The following KIF13B variants were observed in gnomAD, a reference collection of about 807,000 sequenced individuals.
KIF13B encodes the protein kinesin family member 13B.
In KIF13B, 127 loss-of-function variants were observed where a neutral mutation model predicts 222.0. The observed-to-expected ratio is 0.57, with a 90% CI of 0.50 to 0.66. The LOEUF is 0.66. KIF13B is among the 30% of genes least tolerant of loss of function. The pLI is 0.00. For synonymous variants in KIF13B, 976 were observed against 919.0 expected (o/e 1.06, Z -1.12); for missense variants, 2,173 against 2,379.0 (o/e 0.91, Z 1.80).
At chr8:29,166,928 A>T (rs1183815087) in intron 11 of KIF13B, among the ~76,000 whole-genome samples, 1 of 152,214 alleles carries the variant, frequency 6.6e-6, no homozygotes, top group Non-Finnish European at 1.5e-5. Flanking sequence ...AATCCACAAC[A>T]TGGAAAAGCT....
intron 1 of KIF13B, among the ~76,000 whole-genome samples, chr8:29,258,777 C>T (rs1816578500): frequency 6.6e-6 from 1 of 152,196 alleles, no homozygotes; most frequent in African/African-American, 2.4e-5. Flanking sequence ...TCTCGATTCC[C>T]TTATTTCCCT....
At position 29,135,854 on chromosome 8, in the gene KIF13B, C is replaced by T. The variant is rs1019337699; in HGVS notation, c.2614-1644G>A. On this transcript the variant is annotated intron_variant, in intron 21 of 39. Coordinates refer to ENST00000524189, the MANE Select transcript of KIF13B (RefSeq NM_015254.4). ...GAGGTTGCAGGAGCAGAGATCGCAC[C>T]ACTGCACTCTACTCTGGGTGACAGA... is the stretch of plus-strand genomic sequence containing the variant. 2.0e-5 allele frequency among the ~76,000 whole-genome samples: 3 copies of T among 152,210 alleles called. No homozygotes were observed. The East Asian group carries it at 5.8e-4, about 29-fold the overall frequency.
At chr8:29,095,762 C>A (rs1808493279) in intron 36 of KIF13B, among the ~76,000 whole-genome samples, 1 of 151,842 alleles carries the variant, frequency 6.6e-6, no homozygotes, top group African/African-American at 2.4e-5. Flanking sequence ...AGCAAAACTT[C>A]ATCTCAAAAA....
intron 1 of KIF13B, among the ~76,000 whole-genome samples, chr8:29,257,765 T>A (rs1180382507): frequency 6.6e-6 from 1 of 152,016 alleles, no homozygotes; most frequent in Non-Finnish European, 1.5e-5. Context: ...TGAGTGATGA[T>A]CATGCCACTG....
intron 16 of KIF13B, 44 bp from the exon 17 acceptor site, chr8:29,147,646 A>G: frequency 1.4e-6 from 2 of 1,379,818 alleles, no homozygotes; most frequent in Non-Finnish European, 2.0e-6. Flanking sequence ...GAGTTACAAC[A>G]TAATAAACTT....
chr8:29,140,030 T>C, intron 21 of KIF13B, 33 bp downstream of exon 21: 1 of 1,533,074 alleles, frequency 6.5e-7, no homozygotes. Context: ...GACTTTTGTA[T>C]CAACGTAATA....
intron 29 of KIF13B, among the ~76,000 whole-genome samples, chr8:29,121,544 C>A (rs1809860352): frequency 1.0e-5 from 1 of 97,120 alleles, no homozygotes; most frequent in South Asian, 4.0e-4. Context: ...ACACCTTATA[C>A]AAAAATCAAT....
chr8:29,123,828 G>T (rs535247528), intron 27 of KIF13B, among the ~76,000 whole-genome samples, 196 bp downstream of exon 27: 10 of 152,138 alleles, frequency 6.6e-5, no homozygotes, highest in Admixed American at 3.3e-4. Flanking sequence ...TTTGTAGGGG[G>T]TGGGAGGAAG....
At chr8:29,253,848 A>AG in intron 1 of KIF13B, among the ~76,000 whole-genome samples, 1 of 150,838 alleles carries the variant, frequency 6.6e-6, no homozygotes, top group African/African-American at 2.4e-5. Flanking sequence ...AAAAAAAAAA[A>AG]AAAAAAACCC....
At position 29,071,523 on chromosome 8, in the gene KIF13B, C is replaced by T; in HGVS notation, c.5218+97G>A. ...CAAGCCGCTGCCTCCCGGCCCCTCCCTCTCCTGCCCGGACCCTGTCCCCTC... is the reference window on the plus strand; with the variant it reads ...CAAGCCGCTGCCTCCCGGCCCCTCCTTCTCCTGCCCGGACCCTGTCCCCTC... On this transcript the variant is annotated intron_variant, in intron 39 of 39. Coordinates refer to ENST00000524189, the MANE Select transcript of KIF13B (RefSeq NM_015254.4). The surrounding 1 kb of genome is among the most constrained non-coding windows in gnomAD (Gnocchi z 4.9). 1 of 1,157,934 alleles carries T rather than the reference C, an allele frequency of 8.6e-7. No individual in the cohort carries two copies. Among genetic ancestry groups the T allele is most frequent in the Non-Finnish European group, 1.2e-6 (1 of 814,104 alleles). 71.7% of individuals were successfully genotyped at this position (1,157,934 alleles called of 1,614,324 possible). A position where few individuals can be genotyped will look rare whatever the true frequency, so the allele number is the denominator to read the frequency against.
At chr8:29,159,915 T>C (rs1043122777) in intron 13 of KIF13B, among the ~76,000 whole-genome samples, 4 of 152,194 alleles carry the variant, frequency 2.6e-5, no homozygotes, top group Non-Finnish European at 4.4e-5. Flanking sequence ...GTTTCCCACA[T>C]AGTCAGCCTG....
At chr8:29,212,823 C>T in intron 2 of KIF13B, among the ~76,000 whole-genome samples, 1 of 148,618 alleles carries the variant, frequency 6.7e-6, no homozygotes, top group East Asian at 2.0e-4. Context: ...TATTTGATTA[C>T]TAATGTTCAT....
rs187695484 is a variant in KIF13B, at chr8:29,198,495, G to C, written c.150-2296C>G. ...CACCACCACGCCCGGCTAATTTTTT[G>C]TATTTTTAGTAGAGATGGGGTTTCA... On this transcript the variant is annotated intron_variant, in intron 2 of 39. Coordinates refer to ENST00000524189, the MANE Select transcript of KIF13B (RefSeq NM_015254.4). 2.5e-4 allele frequency among the ~76,000 whole-genome samples: 38 copies of C among 152,092 alleles called. 1 individual carries two copies. In the East Asian group the frequency reaches 4.1e-3, roughly 16 times the overall value.
At chr8:29,214,685 A>C (rs372859808) in intron 2 of KIF13B, among the ~76,000 whole-genome samples, 6 of 152,248 alleles carry the variant, frequency 3.9e-5, no homozygotes, top group African/African-American at 1.4e-4. Flanking sequence ...ATAGTCATTT[A>C]TGATGATTAT....
intron 10 of KIF13B, among the ~76,000 whole-genome samples, chr8:29,170,631 T>C (rs991395919): frequency 6.6e-6 from 1 of 152,172 alleles, no homozygotes; most frequent in Non-Finnish European, 1.5e-5. Flanking sequence ...GGGGAAAGCA[T>C]GTTCCAAGTG....
upstream of KIF13B, chr8:29,263,265 G>C (rs370843160): frequency 5.6e-6 from 3 of 536,080 alleles, no homozygotes; most frequent in East Asian, 3.4e-5. Context: ...GCTCGGGCGC[G>C]AGTCGTTTGC....
chr8:29,133,417 T>C (rs1439648987), intron 22 of KIF13B, among the ~76,000 whole-genome samples: 1 of 152,094 alleles, frequency 6.6e-6, no homozygotes, highest in Non-Finnish European at 1.5e-5. Context: ...GGTGAAACCT[T>C]GTCTCTACTA....
At chr8:29,075,859 G>T (rs1196151903) in intron 37 of KIF13B, among the ~76,000 whole-genome samples, 1 of 152,232 alleles carries the variant, frequency 6.6e-6, no homozygotes, top group Admixed American at 6.5e-5. Context: ...ACTCAGGAGA[G>T]GAAGGGGGTC....
chr8:29,149,765 T>C lies in KIF13B; in HGVS notation c.1622+532A>G, dbSNP rs188468793. On this transcript the variant is annotated intron_variant, in intron 15 of 39. Coordinates refer to ENST00000524189, the MANE Select transcript of KIF13B (RefSeq NM_015254.4). ...AGATGCCAAGACAGTGACCAGACTT[T>C]AGCCATGACTTTTTTTGAGAGGCTT... Among the ~76,000 whole-genome samples, 21 of 152,300 alleles carry C rather than the reference T, an allele frequency of 1.4e-4. No homozygotes were observed. In the East Asian group the frequency reaches 3.7e-3, roughly 27 times the overall value.
Sources: allele counts gnomAD v4.1 joint callset (sites outside exome capture counted in the v4.1 genomes callset), GRCh38; gene constraint gnomAD v4.1.1; non-coding constraint Gnocchi (gnomAD v3.1); transcripts MANE v1.5; gene names NCBI Gene and HGNC (gene_info 2026-07-23, HGNC 2026-07-21).